The following RPS19 variants were observed in gnomAD, a reference collection of about 807,000 sequenced individuals.
RPS19 encodes the protein small ribosomal subunit protein eS19.
Under a neutral mutation model 20.3 loss-of-function variants are expected in RPS19, and 1 was observed. The ratio of observed to expected loss-of-function variants is 0.05; its 90% confidence interval spans 0.02 to 0.23. RPS19 has a LOEUF of 0.23. Among genes scored for constraint, RPS19 ranks in the 10% least tolerant of loss-of-function variants. The pLI, the probability that RPS19 is intolerant of heterozygous loss-of-function variation, is 1.00. For synonymous variants in RPS19, 87 were observed against 74.8 expected (o/e 1.16, Z -0.84); for missense variants, 111 against 192.7 (o/e 0.58, Z 2.51).
intron 1 of RPS19, 32 bp from the exon 2 acceptor site, chr19:41,860,743 C>G (rs373298490): frequency 1.9e-6 from 3 of 1,542,518 alleles, no homozygotes; most frequent in Non-Finnish European, 2.7e-6. Context: ...CTCTGCCAGG[C>G]CTGTGTTCAC....
chr19:41,871,594 C>T lies in RPS19; in HGVS notation c.*217C>T. 1.8e-6 allele frequency: 1 copy of T among 544,376 alleles called. No homozygotes were observed. Among genetic ancestry groups the T allele is most frequent in the South Asian group, 2.0e-5 (1 of 49,490 alleles). 33.7% of individuals were successfully genotyped at this position (544,376 alleles called of 1,614,324 possible). ...ACTGTGCCTGGTCTGGTTTGGGTCT[C>T]TTGATTGTTCTTCAGGGGCATGAGG... is the stretch of plus-strand genomic sequence containing the variant. On this transcript the variant is annotated 3_prime_UTR_variant, in exon 6 of 6. Coordinates refer to ENST00000598742, the MANE Select transcript of RPS19 (RefSeq NM_001022.4).
intron 3 of RPS19, among the ~76,000 whole-genome samples, chr19:41,862,051 C>T (rs1487548744): frequency 2.0e-5 from 3 of 152,014 alleles, no homozygotes; most frequent in African/African-American, 4.8e-5. Flanking sequence ...GGGGCCTCGG[C>T]CTCTCCAATC....
chr19:41,869,375 AC>A (rs1295047712), intron 4 of RPS19, among the ~76,000 whole-genome samples, 161 bp downstream of exon 4: 2 of 152,086 alleles, frequency 1.3e-5, no homozygotes, highest in African/African-American at 4.8e-5. Context: ...ACGGGGCCTC[AC>A]CCCGACCTCT....
At chr19:41,861,293 G>C (rs894178090) in intron 3 of RPS19, 81 bp downstream of exon 3, 4 of 995,058 alleles carry the variant, frequency 4.0e-6, no homozygotes, top group Non-Finnish European at 4.8e-6. Flanking sequence ...TCTCCTCTGA[G>C]CTCTTTCCCG....
At chr19:41,869,774 G>T (rs782097391) in intron 5 of RPS19, 21 bp downstream of exon 5, 1 of 1,612,924 alleles carries the variant, frequency 6.2e-7, no homozygotes, top group East Asian at 2.2e-5. Flanking sequence ...CGTTTGGGGT[G>T]GGGCTGGGTC....
At chr19:41,866,721 A>C (rs1450097314) in intron 3 of RPS19, among the ~76,000 whole-genome samples, 1 of 152,184 alleles carries the variant, frequency 6.6e-6, no homozygotes, top group African/African-American at 2.4e-5. Flanking sequence ...AAATGGTGTA[A>C]TATCGGGGCC....
intron 3 of RPS19, among the ~76,000 whole-genome samples, chr19:41,862,518 A>G (rs1555839486): frequency 6.6e-6 from 1 of 152,168 alleles, no homozygotes; most frequent in Non-Finnish European, 1.5e-5. Context: ...CAGTGCCTCA[A>G]GGGTCAGTTG....
intron 3 of RPS19, among the ~76,000 whole-genome samples, chr19:41,867,105 T>C: frequency 6.6e-6 from 1 of 151,528 alleles, no homozygotes; most frequent in East Asian, 1.9e-4. Flanking sequence ...TTCACTTCAC[T>C]CCAGGAGTTC....
At chr19:41,868,922 T>C (rs2074116053) in intron 3 of RPS19, 109 bp from the exon 4 acceptor site, 2 of 1,167,830 alleles carry the variant, frequency 1.7e-6, no homozygotes, top group East Asian at 4.8e-5. Context: ...GTGTGTGTTT[T>C]CAGTTTCCCT....
At chr19:41,860,722 T>C (rs2074019077) in intron 1 of RPS19, 53 bp from the exon 2 acceptor site, 2 of 1,333,970 alleles carry the variant, frequency 1.5e-6, no homozygotes, top group African/African-American at 1.4e-5. Flanking sequence ...GTCCGTGCTC[T>C]TGGCAGTCGT....
rs782143466 is a variant in RPS19, at chr19:41,871,412, C to G, written c.*35C>G. The G allele has an allele frequency of 6.2e-6, 10 of 1,601,528 alleles. No individual in the cohort carries two copies. The highest frequency in any genetic ancestry group is 5.0e-5 in the Admixed American group (3 of 59,978). ...TGCTGGGTTAATAAATTGCCTCATTCGTAATCCTGGTCTGGGTCTCTTTTT... is the reference window on the plus strand; with the variant it reads ...TGCTGGGTTAATAAATTGCCTCATTGGTAATCCTGGTCTGGGTCTCTTTTT... On this transcript the variant is annotated 3_prime_UTR_variant, in exon 6 of 6. Transcript: ENST00000598742.
intron 1 of RPS19, chr19:41,860,509 C>G (rs1387776884): frequency 1.9e-6 from 1 of 516,608 alleles, no homozygotes; most frequent in African/African-American, 1.9e-5. Context: ...GTGGGGCGTC[C>G]GGAGTCCCGG....
At chr19:41,870,479 C>T (rs1198736581) in intron 5 of RPS19, among the ~76,000 whole-genome samples, 1 of 152,102 alleles carries the variant, frequency 6.6e-6, no homozygotes, top group African/African-American at 2.4e-5. Flanking sequence ...CACCCTGGGG[C>T]AGAGTGGCCA....
rs61762296 is a variant in RPS19, at chr19:41,869,765, G to A, written c.411+12G>A. ...GAATCGCCGGACAGGTAAGGCCTGCGTTTGGGGTGGGGCTGGGTCCCTTAG... is the reference window on the plus strand; with the variant it reads ...GAATCGCCGGACAGGTAAGGCCTGCATTTGGGGTGGGGCTGGGTCCCTTAG... On this transcript the variant is annotated intron_variant, in intron 5 of 5. Coordinates refer to ENST00000598742, the MANE Select transcript of RPS19 (RefSeq NM_001022.4). The A allele has an allele frequency of 4.4e-3, 7,112 of 1,613,908 alleles. 47 individuals carry two copies. Among genetic ancestry groups the A allele is most frequent in the South Asian group, 0.01 (928 of 91,076 alleles).
At chr19:41,866,605 G>GC (rs2074092869) in intron 3 of RPS19, among the ~76,000 whole-genome samples, 1 of 152,224 alleles carries the variant, frequency 6.6e-6, no homozygotes, top group Non-Finnish European at 1.5e-5. Flanking sequence ...CAACAGCAGG[G>GC]CTGTGCTCTT....
chr19:41,863,185 C>T (rs2074051123), intron 3 of RPS19, among the ~76,000 whole-genome samples: 3 of 152,116 alleles, frequency 2.0e-5, no homozygotes, highest in Admixed American at 2.0e-4. Context: ...CCATGCCTAG[C>T]TAATTTTTTT....
chr19:41,871,334 T>C lies in RPS19; in HGVS notation c.412-17T>C, dbSNP rs1568797469. 1 of 1,613,644 alleles carries C rather than the reference T, an allele frequency of 6.2e-7. No homozygotes were observed. Among genetic ancestry groups the C allele is most frequent in the East Asian group, 2.2e-5 (1 of 44,870 alleles). ...GACCCCCTTGACTAACTTTTATTCT[T>C]CCATCTTTTCCCACAGGTGGCAGCT... On this transcript the variant is annotated splice_polypyrimidine_tract_variant and intron_variant, in intron 5 of 5. Transcript: ENST00000598742.
intron 3 of RPS19, chr19:41,861,450 G>A (rs1555839272): frequency 1.8e-6 from 1 of 552,952 alleles, no homozygotes; most frequent in African/African-American, 1.9e-5. Flanking sequence ...GGAAACCAGA[G>A]ACAGATGAAT....
At chr19:41,860,591 C>A (rs554528954) in intron 1 of RPS19, 184 bp from the exon 2 acceptor site, 1 of 691,606 alleles carries the variant, frequency 1.4e-6, no homozygotes, top group Admixed American at 2.0e-5. Context: ...CCAGAGAGGC[C>A]GTGGGCGTCG....
Sources: allele counts gnomAD v4.1 joint callset (sites outside exome capture counted in the v4.1 genomes callset), GRCh38; gene constraint gnomAD v4.1.1; transcripts MANE v1.5; gene names NCBI Gene and HGNC (gene_info 2026-07-23, HGNC 2026-07-21).